The following MAML1 variants were observed in gnomAD, a reference collection of about 807,000 sequenced individuals.
MAML1 encodes mastermind-like protein 1.
MAML1 carries 14 observed loss-of-function variants against 77.1 expected under a neutral mutation model. The observed-to-expected ratio is 0.18, with a 90% CI of 0.12 to 0.28. The LOEUF (loss-of-function observed/expected upper bound fraction) is 0.28, where lower values mean the gene tolerates loss of function less well. MAML1 is among the 10% of genes least tolerant of loss of function. The probability of loss-of-function intolerance (pLI) is 1.00; values close to 1 mark genes in which losing one functional copy is unlikely to be tolerated. For missense variants in MAML1, 1,217 were observed against 1,327.8 expected, an observed-to-expected ratio of 0.92 and a Z score of 1.30; for synonymous variants, 516 against 551.9, an observed-to-expected ratio of 0.93 and a Z score of 0.91.
At chr5:179,754,842 CAAATT>C (rs1317393349) in intron 1 of MAML1, among the ~76,000 whole-genome samples, 2 of 152,058 alleles carry the variant, frequency 1.3e-5, no homozygotes, top group African/African-American at 2.4e-5. Flanking sequence ...TAGAACAAAA[CAAATT>C]CAAGTTATTT....
At position 179,776,590 on chromosome 5, in the gene MAML1, G is replaced by T; in HGVS notation, c.*1713G>T. 10 of 985,634 alleles carry T rather than the reference G, an allele frequency of 1.0e-5. No individual in the cohort carries two copies. The highest frequency in any genetic ancestry group is 1.2e-5 in the Non-Finnish European group (10 of 829,952). 61.1% of individuals were successfully genotyped at this position (985,634 alleles called of 1,614,324 possible). A position where few individuals can be genotyped will look rare whatever the true frequency, so the allele number is the denominator to read the frequency against. On this transcript the variant is annotated 3_prime_UTR_variant, in exon 5 of 5. Coordinates refer to ENST00000292599, the MANE Select transcript of MAML1 (RefSeq NM_014757.5). Reference sequence around the variant, plus strand: ...CCAGTGAAAATTTCACCCTCTGAGGGAGTTCCCCAATCTGAAGGGGAAGAG... The same window carrying T: ...CCAGTGAAAATTTCACCCTCTGAGGTAGTTCCCCAATCTGAAGGGGAAGAG...
chr5:179,775,382 A>G lies in MAML1; in HGVS notation c.*505A>G, dbSNP rs185358864. On this transcript the variant is annotated 3_prime_UTR_variant, in exon 5 of 5. Coordinates refer to ENST00000292599, the MANE Select transcript of MAML1 (RefSeq NM_014757.5). ...AACAGATTAGGGTAGGTGATGGTTT[A>G]AATCAATTAAGTGGCATTGGAAACC... The G allele has an allele frequency of 3.0e-6, 3 of 985,386 alleles. No individual in the cohort carries two copies. 61.0% of individuals were successfully genotyped at this position (985,386 alleles called of 1,614,324 possible).
chr5:179,743,705 T>A (rs1581925957), intron 1 of MAML1, among the ~76,000 whole-genome samples: 3 of 152,252 alleles, frequency 2.0e-5, no homozygotes, highest in African/African-American at 7.2e-5. Context: ...GCACTTTTCA[T>A]CTTAAGTTTT....
chr5:179,745,450 T>C (rs1449959875), intron 1 of MAML1, among the ~76,000 whole-genome samples: 2 of 150,506 alleles, frequency 1.3e-5, no homozygotes, highest in Non-Finnish European at 3.0e-5. Context: ...GCGCGGTGGC[T>C]CACGCCTGTA....
chr5:179,770,175 G>A (rs1384257364), intron 3 of MAML1, among the ~76,000 whole-genome samples: 3 of 152,242 alleles, frequency 2.0e-5, no homozygotes, highest in Middle Eastern at 3.4e-3. Context: ...TGGGCTGGGC[G>A]CAGTGGCTCA....
chr5:179,734,268 CT>C (rs766613284), intron 1 of MAML1, among the ~76,000 whole-genome samples: 13 of 152,196 alleles, frequency 8.5e-5, no homozygotes, highest in Non-Finnish European at 1.5e-4. Context: ...AAATTCATAC[CT>C]TTATTATCTC....
intron 1 of MAML1, among the ~76,000 whole-genome samples, chr5:179,754,662 G>T (rs1779577121): frequency 6.6e-6 from 1 of 152,140 alleles, no homozygotes; most frequent in Non-Finnish European, 1.5e-5. Flanking sequence ...CTCAAACTTG[G>T]CCTTTGTCAA....
At chr5:179,768,084 C>T (rs901627301) in intron 2 of MAML1, among the ~76,000 whole-genome samples, 3 of 152,210 alleles carry the variant, frequency 2.0e-5, no homozygotes, top group Non-Finnish European at 2.9e-5. Context: ...AGTTTCGGGT[C>T]GTTCAGGGAT....
At position 179,766,499 on chromosome 5, in the gene MAML1, A is replaced by T. The variant is rs1236463088; in HGVS notation, c.1489A>T (p.Asn497Tyr). 5.0e-6 allele frequency: 8 copies of T among 1,606,234 alleles called. No homozygotes were observed. In the African/African-American group the frequency reaches 9.4e-5, roughly 19 times the overall value. ...CCTGCTGAGTCACCAGCCACCGAGT[A>T]ACTTGAATCAGAACTCCGCGAATAA... ...VNLLSHQPPS[N>Y]LNQNSANNQG... is the part of the protein sequence containing the mutation. Residue 497 changes from asparagine to tyrosine, a missense_variant, in exon 2 of 5, where the codon AAC (asparagine) becomes TAC (tyrosine). This residue lies in a region of MAML1 where 884 missense variants were observed against 949.3 expected (regional missense o/e 0.93). Transcript: ENST00000292599. This position sits in a 1 kb window ranked among gnomAD's most constrained non-coding sequence, Gnocchi z 4.0.
Position 179,746,331 on chromosome 5 carries a change from C to T in MAML1, c.315+12904C>T, listed in dbSNP as rs529724086. 5.9e-5 allele frequency among the ~76,000 whole-genome samples: 9 copies of T among 151,922 alleles called. No homozygotes were observed. The South Asian group carries it at 1.7e-3, about 28-fold the overall frequency. On this transcript the variant is annotated intron_variant, in intron 1 of 4. Transcript: ENST00000292599. ...ACTGCACTGCAGCCTGGCGGCAGAG[C>T]GAGACTCCGTCTCAAAAAAAAAGGG...
chr5:179,733,018 G>A lies in MAML1; in HGVS notation c.-95G>A. On this transcript the variant is annotated 5_prime_UTR_variant, in exon 1 of 5. An upstream open reading frame in the 5' UTR loses its in-frame stop. Transcript: ENST00000292599. ...GCCCTCGGGGGCATGGCGCGGCCGT[G>A]AGGCGGAGAGGGGTAGCCGCGGGGA... The A allele has an allele frequency of 9.2e-6, 7 of 761,970 alleles. No individual in the cohort carries two copies. The highest frequency in any genetic ancestry group is 1.2e-5 in the Non-Finnish European group (7 of 570,760). 47.2% of individuals were successfully genotyped at this position (761,970 alleles called of 1,614,324 possible).
intron 1 of MAML1, among the ~76,000 whole-genome samples, chr5:179,734,833 TAAAA>T (rs1779135137): frequency 6.6e-6 from 1 of 152,070 alleles, no homozygotes; most frequent in African/African-American, 2.4e-5. Flanking sequence ...CCTGGCTAAA[TAAAA>T]AAAGTTTTTT....
At chr5:179,764,971 C>CAT (rs147334870) in intron 1 of MAML1, among the ~76,000 whole-genome samples, 30,078 of 137,934 alleles carry the variant, frequency 0.22, 3,831 homozygotes, top group Non-Finnish European at 0.3. Context: ...CATCTCAAAA[C>CAT]ATATATATAT....
rs142127863 is a variant in MAML1 at position 179,774,681 on chromosome 5, G to A, written c.2855G>A (p.Arg952Gln). Residue 952 changes from arginine to glutamine, a missense_variant, in exon 5 of 5, where the codon CGG (arginine) becomes CAG (glutamine). Physicochemically the swap from Arg to Gln is conservative, Grantham distance 43. This residue lies in a region of MAML1 where 884 missense variants were observed against 949.3 expected (regional missense o/e 0.93). Coordinates refer to ENST00000292599, the MANE Select transcript of MAML1 (RefSeq NM_014757.5). ...SQSPASQMGG[R>Q]AGLHCTQAYP... ...AGCCCTGCCTCACAGATGGGCGGTC[G>A]GGCGGGGCTGCACTGCACCCAGGCC... 133 of 1,609,862 alleles carry A rather than the reference G, an allele frequency of 8.3e-5. No individual in the cohort carries two copies. Among genetic ancestry groups the A allele is most frequent in the Middle Eastern group, 1.7e-4 (1 of 6,058 alleles).
chr5:179,750,952 T>A (rs772306411), intron 1 of MAML1, among the ~76,000 whole-genome samples: 2 of 152,176 alleles, frequency 1.3e-5, no homozygotes, highest in Non-Finnish European at 2.9e-5. Flanking sequence ...TTATCTTCAG[T>A]GCTGTCCTGA....
At chr5:179,753,065 A>T (rs1779528708) in intron 1 of MAML1, among the ~76,000 whole-genome samples, 1 of 152,072 alleles carries the variant, frequency 6.6e-6, no homozygotes, top group Non-Finnish European at 1.5e-5. Context: ...GAACCACAGC[A>T]CCTGGCCCAT....
intron 1 of MAML1, among the ~76,000 whole-genome samples, chr5:179,735,482 G>T (rs556176197): frequency 6.6e-6 from 1 of 152,184 alleles, no homozygotes; most frequent in African/African-American, 2.4e-5. Context: ...CCGCCTCCCA[G>T]GTTCAAGTGA....
intron 1 of MAML1, among the ~76,000 whole-genome samples, chr5:179,741,678 T>TCC (rs1428412645): frequency 8.6e-6 from 1 of 116,578 alleles, no homozygotes. Context: ...AGAGCGAGAC[T>TCC]GTCTCAAAAA....
rs1471726020 is a variant in MAML1, at chr5:179,761,725, TG to T, written c.316-3599del. Among the ~76,000 whole-genome samples the T allele has an allele frequency of 5.9e-5, 9 of 152,158 alleles. 1 individual carries two copies. The highest frequency in any genetic ancestry group is 2.6e-4 in the Admixed American group (4 of 15,278). Reference sequence around the variant, plus strand: ...ATAATAATAAAGATGAATTATTAAGTGGCAGATGATAAGAGGGAGAGGAAGG... The same window carrying T: ...ATAATAATAAAGATGAATTATTAAGTGCAGATGATAAGAGGGAGAGGAAGG... On this transcript the variant is annotated intron_variant, in intron 1 of 4. Coordinates refer to ENST00000292599, the MANE Select transcript of MAML1 (RefSeq NM_014757.5).
Sources: allele counts gnomAD v4.1 joint callset (sites outside exome capture counted in the v4.1 genomes callset), GRCh38; gene constraint gnomAD v4.1.1; regional missense constraint gnomAD v4.1.1; non-coding constraint Gnocchi (gnomAD v3.1); transcripts MANE v1.5; gene names NCBI Gene and HGNC (gene_info 2026-07-23, HGNC 2026-07-21).